Variants in DAPK1 observed in about 807,000 individuals in gnomAD.
DAPK1 encodes death-associated protein kinase 1.
DAPK1 carries 56 observed loss-of-function variants against 144.9 expected under a neutral mutation model. The observed-to-expected ratio is 0.39, with a 90% CI of 0.31 to 0.48. DAPK1 has a LOEUF of 0.48. Ranked by LOEUF, DAPK1 falls within the 20% of genes least tolerant of loss-of-function variation. DAPK1 has a pLI of 0.95. For missense variants in DAPK1, 1,454 were observed against 1,875.4 expected, an observed-to-expected ratio of 0.78 and a Z score of 4.15; for synonymous variants, 690 against 749.0, an observed-to-expected ratio of 0.92 and a Z score of 1.29.
intron 21 of DAPK1, among the ~76,000 whole-genome samples, chr9:87,696,284 TATAC>T (rs1934250463): frequency 6.6e-6 from 1 of 152,150 alleles, no homozygotes; most frequent in African/African-American, 2.4e-5. Context: ...TAGATACATA[TATAC>T]ACACACATAA....
At chr9:87,540,850 G>C (rs961871474) in intron 2 of DAPK1, among the ~76,000 whole-genome samples, 1 of 152,078 alleles carries the variant, frequency 6.6e-6, no homozygotes, top group African/African-American at 2.4e-5. Flanking sequence ...ACATATACTT[G>C]ACCTATAATT....
At chr9:87,548,473 T>G (rs931087976) in intron 2 of DAPK1, among the ~76,000 whole-genome samples, 1 of 152,156 alleles carries the variant, frequency 6.6e-6, no homozygotes, top group Admixed American at 6.5e-5. Flanking sequence ...TTGCAACATA[T>G]AAGTTTGGTA....
At chr9:87,640,919 A>G in intron 9 of DAPK1, 72 bp downstream of exon 9, 1 of 1,414,858 alleles carries the variant, frequency 7.1e-7, no homozygotes, top group Non-Finnish European at 1.0e-6. Context: ...GTATTCATGT[A>G]TCATAGAGTA....
chr9:87,539,042 A>G (rs1446110852), intron 2 of DAPK1, among the ~76,000 whole-genome samples: 1 of 150,782 alleles, frequency 6.6e-6, no homozygotes, highest in Non-Finnish European at 1.5e-5. Context: ...CTAATTTAAG[A>G]TTAATTTTAT....
At chr9:87,593,244 C>G (rs966590857) in intron 2 of DAPK1, among the ~76,000 whole-genome samples, 3 of 152,232 alleles carry the variant, frequency 2.0e-5, no homozygotes, top group Non-Finnish European at 4.4e-5. Context: ...ATTTGAATTT[C>G]TCCCAAGACA....
chr9:87,601,835 A>G (rs1306461019), intron 2 of DAPK1, among the ~76,000 whole-genome samples: 1 of 152,172 alleles, frequency 6.6e-6, no homozygotes, highest in Non-Finnish European at 1.5e-5. Flanking sequence ...TAGCCGTTAC[A>G]CAATTCTGTT....
intron 3 of DAPK1, among the ~76,000 whole-genome samples, chr9:87,614,082 A>G (rs1330231109): frequency 1.3e-5 from 2 of 152,208 alleles, no homozygotes; most frequent in Non-Finnish European, 2.9e-5. Flanking sequence ...CCATCCAGGC[A>G]TTCTCTTGAG....
At chr9:87,540,924 T>C (rs1305964470) in intron 2 of DAPK1, among the ~76,000 whole-genome samples, 3 of 152,198 alleles carry the variant, frequency 2.0e-5, no homozygotes, top group Non-Finnish European at 2.9e-5. Flanking sequence ...GACTGTGACA[T>C]ACCACAGAAA....
intron 16 of DAPK1, among the ~76,000 whole-genome samples, chr9:87,651,240 A>G (rs1830432897): frequency 1.3e-5 from 2 of 152,238 alleles, no homozygotes; most frequent in Admixed American, 6.5e-5. Context: ...TTGGAGTATC[A>G]ACAATTACTT....
At chr9:87,632,300 G>A in intron 3 of DAPK1, 1 of 983,534 alleles carries the variant, frequency 1.0e-6, no homozygotes, top group South Asian at 4.7e-5. Flanking sequence ...TACACATGTA[G>A]AAATGAAGGA....
At position 87,498,043 on chromosome 9, in the gene DAPK1, G is replaced by C; in HGVS notation, c.-173G>C. The C allele has an allele frequency of 2.5e-6, 1 of 397,938 alleles. No homozygotes were observed. The allele number at this position is 397,938 out of a possible 1,614,324, so 24.7% of individuals were successfully genotyped here. A position where few individuals can be genotyped will look rare whatever the true frequency, so the allele number is the denominator to read the frequency against. On this transcript the variant is annotated 5_prime_UTR_variant, in exon 1 of 26. Transcript: ENST00000408954. ...GCCGCCGCCCCGGCTAGTCTCCGGCGCTGGCGCCTATGGTCGGCCTCCGAC... is the reference window on the plus strand; with the variant it reads ...GCCGCCGCCCCGGCTAGTCTCCGGCCCTGGCGCCTATGGTCGGCCTCCGAC...
At chr9:87,578,025 C>A (rs1564004664) in intron 2 of DAPK1, among the ~76,000 whole-genome samples, 1 of 152,068 alleles carries the variant, frequency 6.6e-6, no homozygotes, top group Non-Finnish European at 1.5e-5. Flanking sequence ...ATTTCCATTT[C>A]TTTTACCTCA....
intron 2 of DAPK1, among the ~76,000 whole-genome samples, chr9:87,519,998 G>T (rs4145767): frequency 0.5 from 74,800 of 149,480 alleles, 19,063 homozygotes; most frequent in East Asian, 0.63. Context: ...TTTTTTTGTT[G>T]TTGTTAATAA....
chr9:87,568,397 G>C (rs1232482386), intron 2 of DAPK1, among the ~76,000 whole-genome samples: 1 of 152,248 alleles, frequency 6.6e-6, no homozygotes, highest in Non-Finnish European at 1.5e-5. Context: ...GTGATCAGTG[G>C]ATTAAAGCAA....
chr9:87,545,095 A>G (rs7036598), intron 2 of DAPK1, among the ~76,000 whole-genome samples: 73,083 of 152,034 alleles, frequency 0.48, 18,089 homozygotes, highest in African/African-American at 0.53. Flanking sequence ...GATTATCATC[A>G]GCTATCCCTG....
chr9:87,617,802 G>A (rs1193874441), intron 3 of DAPK1, among the ~76,000 whole-genome samples: 1 of 152,156 alleles, frequency 6.6e-6, no homozygotes, highest in Non-Finnish European at 1.5e-5. Flanking sequence ...AACTTCACGT[G>A]TCTTAAACTG....
At chr9:87,624,105 A>G (rs1358037633) in intron 3 of DAPK1, among the ~76,000 whole-genome samples, 1 of 152,228 alleles carries the variant, frequency 6.6e-6, no homozygotes, top group African/African-American at 2.4e-5. Flanking sequence ...TTGATCACAA[A>G]TCTGAAATTA....
chr9:87,524,471 A>G (rs1196883567), intron 2 of DAPK1, among the ~76,000 whole-genome samples: 3 of 152,056 alleles, frequency 2.0e-5, no homozygotes, highest in Non-Finnish European at 2.9e-5. Context: ...GAGCCCTTGA[A>G]CTTCCTCTTT....
At chr9:87,532,653 G>A (rs1409229164) in intron 2 of DAPK1, among the ~76,000 whole-genome samples, 1 of 152,158 alleles carries the variant, frequency 6.6e-6, no homozygotes, top group Non-Finnish European at 1.5e-5. Flanking sequence ...AAAGAAATGT[G>A]TAAACTGTTG....
Sources: allele counts gnomAD v4.1 joint callset (sites outside exome capture counted in the v4.1 genomes callset), GRCh38; gene constraint gnomAD v4.1.1; transcripts MANE v1.5; gene names NCBI Gene and HGNC (gene_info 2026-07-23, HGNC 2026-07-21).